The following PRIM2 variants were observed in gnomAD, a reference collection of about 807,000 sequenced individuals.
The protein encoded by PRIM2 is DNA primase large subunit.
Under a neutral mutation model 67.3 loss-of-function variants are expected in PRIM2, and 39 were observed. The observed-to-expected ratio is 0.58, with a 90% CI of 0.45 to 0.76. The LOEUF (loss-of-function observed/expected upper bound fraction) is 0.76. PRIM2 is among the 30% of genes least tolerant of loss of function. PRIM2 has a pLI of 0.00. For synonymous variants in PRIM2, 143 were observed against 198.7 expected, an observed-to-expected ratio of 0.72 and a Z score of 2.36; for missense variants, 398 against 598.7, an observed-to-expected ratio of 0.66 and a Z score of 3.50.
At chr6:57,322,398 T>G in intron 3 of PRIM2, among the ~76,000 whole-genome samples, 1 of 152,112 alleles carries the variant, frequency 6.6e-6, no homozygotes, top group African/African-American at 2.4e-5. Flanking sequence ...CATCTTGAAT[T>G]GTAGTTCCCA....
At chr6:57,321,088 G>A (rs1767640151) in intron 3 of PRIM2, among the ~76,000 whole-genome samples, 2 of 152,142 alleles carry the variant, frequency 1.3e-5, no homozygotes, top group Admixed American at 1.3e-4. Context: ...CTGTTAGGAG[G>A]GAAACCAGTT....
chr6:57,261,359 C>T, the PRIM2 span, among the ~76,000 whole-genome samples: 5 of 152,104 alleles, frequency 3.3e-5, no homozygotes, highest in African/African-American at 4.8e-5. Context: ...AAGAGATGGC[C>T]GCTGCCAGAG....
At chr6:57,587,818 G>A (rs1482725634) in intron 10 of PRIM2, among the ~76,000 whole-genome samples, 1 of 152,086 alleles carries the variant, frequency 6.6e-6, no homozygotes, top group Non-Finnish European at 1.5e-5. Flanking sequence ...ATCCTAGGAA[G>A]GAACTGATAT....
chr6:57,309,942 T>C (rs1027124378), upstream of PRIM2, among the ~76,000 whole-genome samples: 1 of 152,032 alleles, frequency 6.6e-6, no homozygotes, highest in Non-Finnish European at 1.5e-5. Flanking sequence ...AATTGACAAA[T>C]GGGATCTAAT....
chr6:57,601,316 G>A, intron 11 of PRIM2, 97 bp downstream of exon 11: 4 of 1,335,932 alleles, frequency 3.0e-6, no homozygotes, highest in Non-Finnish European at 4.0e-6. Flanking sequence ...ATTCCTGTCA[G>A]GACCTAGTTT....
intron 7 of PRIM2, among the ~76,000 whole-genome samples, chr6:57,420,209 A>G (rs1771420841): frequency 6.6e-6 from 1 of 152,168 alleles, no homozygotes; most frequent in Non-Finnish European, 1.5e-5. Flanking sequence ...GCTTAACTTT[A>G]AGAATAGTTT....
chr6:57,471,261 T>C (rs1773331060), intron 7 of PRIM2, among the ~76,000 whole-genome samples: 3 of 152,090 alleles, frequency 2.0e-5, no homozygotes, highest in Admixed American at 2.0e-4. Context: ...GAGAGATGGC[T>C]AAGGCAGAAA....
At chr6:57,366,035 G>T (rs1424537141) in intron 5 of PRIM2, among the ~76,000 whole-genome samples, 1 of 151,694 alleles carries the variant, frequency 6.6e-6, no homozygotes, top group Non-Finnish European at 1.5e-5. Flanking sequence ...TGTTAGTGAG[G>T]GAGATATAAA....
chr6:57,545,725 T>C (rs1775276101), intron 10 of PRIM2, among the ~76,000 whole-genome samples: 1 of 152,178 alleles, frequency 6.6e-6, no homozygotes, highest in Admixed American at 6.5e-5. Flanking sequence ...TGAGCCACCA[T>C]GCCTGGCCCC....
At chr6:57,324,107 C>T in intron 3 of PRIM2, 94 bp from the exon 4 acceptor site, 1 of 678,224 alleles carries the variant, frequency 1.5e-6, no homozygotes, top group East Asian at 2.8e-5. Flanking sequence ...GTTTTTGAAA[C>T]TTACTTTACC....
chr6:57,343,192 A>T (rs1234368244), intron 5 of PRIM2, among the ~76,000 whole-genome samples: 3 of 152,150 alleles, frequency 2.0e-5, no homozygotes, highest in African/African-American at 7.2e-5. Flanking sequence ...GGCCTTAAAT[A>T]GTCATAGTTT....
intron 7 of PRIM2, among the ~76,000 whole-genome samples, chr6:57,442,134 T>G (rs1229868884): frequency 6.6e-6 from 1 of 152,052 alleles, no homozygotes; most frequent in Non-Finnish European, 1.5e-5. Flanking sequence ...TTCATATTAT[T>G]TCTATAATAA....
the PRIM2 span, among the ~76,000 whole-genome samples, chr6:57,263,871 T>A: frequency 6.6e-6 from 1 of 152,146 alleles, no homozygotes; most frequent in Admixed American, 6.5e-5. Flanking sequence ...CCATAATAGG[T>A]TTGATAGGTA....
intron 7 of PRIM2, among the ~76,000 whole-genome samples, chr6:57,501,468 TTTTGTA>T (rs1562777817): frequency 1.3e-5 from 2 of 152,072 alleles, no homozygotes; most frequent in Admixed American, 6.5e-5. Context: ...CCGAGCTAGT[TTTTGTA>T]TTTTTAGTAG....
At chr6:57,379,815 C>T in intron 5 of PRIM2, 86 bp from the exon 6 acceptor site, 1 of 1,184,444 alleles carries the variant, frequency 8.4e-7, no homozygotes, top group Non-Finnish European at 1.1e-6. Flanking sequence ...TAAAAGTAAA[C>T]AGTATTCATT....
the PRIM2 span, among the ~76,000 whole-genome samples, chr6:57,230,526 G>A: frequency 1.9e-4 from 29 of 152,220 alleles, no homozygotes; most frequent in Middle Eastern, 6.8e-3. Context: ...TAGTGGGAGG[G>A]TTGATATCAG....
chr6:57,496,006 T>C (rs1773996742), intron 7 of PRIM2, among the ~76,000 whole-genome samples: 1 of 152,174 alleles, frequency 6.6e-6, no homozygotes, highest in Non-Finnish European at 1.5e-5. Context: ...TGGGCCTCCC[T>C]AAGTGCTGGG....
At chr6:57,572,033 A>G (rs1475586839) in intron 10 of PRIM2, among the ~76,000 whole-genome samples, 7 of 152,166 alleles carry the variant, frequency 4.6e-5, no homozygotes, top group Admixed American at 3.9e-4. Flanking sequence ...TATCTGTTTT[A>G]TCGTTCATGA....
At chr6:57,353,126 C>T (rs2127302675) in intron 5 of PRIM2, among the ~76,000 whole-genome samples, 1 of 131,912 alleles carries the variant, frequency 7.6e-6, no homozygotes, top group South Asian at 2.3e-4. Flanking sequence ...AATTGAGACC[C>T]ATGGTGAAAT....
Sources: allele counts gnomAD v4.1 joint callset (sites outside exome capture counted in the v4.1 genomes callset), GRCh38; gene constraint gnomAD v4.1.1; transcripts MANE v1.5; gene names NCBI Gene and HGNC (gene_info 2026-07-23, HGNC 2026-07-21).